Variants in PCDH15 observed in about 807,000 individuals in gnomAD.
PCDH15 encodes protocadherin related 15.
In PCDH15, 129 loss-of-function variants were observed where a neutral mutation model predicts 178.5. The ratio of observed to expected loss-of-function variants is 0.72; its 90% CI spans 0.63 to 0.84. The LOEUF (loss-of-function observed/expected upper bound fraction) is 0.84. Among genes scored for constraint, PCDH15 ranks in the 40% least tolerant of loss-of-function variants. PCDH15 has a pLI of 0.00. For missense variants in PCDH15, 2,230 were observed against 2,099.9 expected (o/e 1.06, Z -1.21); for synonymous variants, 800 against 732.0 (o/e 1.09, Z -1.50).
chr10:53,889,188 G>T (rs142520101), intron 26 of PCDH15, among the ~76,000 whole-genome samples: 2 of 151,920 alleles, frequency 1.3e-5, no homozygotes, highest in East Asian at 1.9e-4. Flanking sequence ...AAGACAAAAA[G>T]TTGCTCAACA....
intron 18 of PCDH15, among the ~76,000 whole-genome samples, chr10:54,038,327 G>A (rs1391151226): frequency 6.6e-6 from 1 of 151,816 alleles, no homozygotes; most frequent in Non-Finnish European, 1.5e-5. Flanking sequence ...GTTTGCAGGT[G>A]GGTTCTCTGG....
At chr10:54,910,479 A>T (rs185176585) in intron 2 of PCDH15, among the ~76,000 whole-genome samples, 38 of 152,324 alleles carry the variant, frequency 2.5e-4, no homozygotes, top group African/African-American at 8.2e-4. Context: ...AGAAAATAAC[A>T]AATAACATTT....
intron 25 of PCDH15, among the ~76,000 whole-genome samples, chr10:53,914,271 C>A (rs1295863498): frequency 6.6e-6 from 1 of 152,108 alleles, no homozygotes; most frequent in Non-Finnish European, 1.5e-5. Context: ...TGGATATATA[C>A]CCAAAGGATG....
chr10:54,829,754 T>A (rs533838472), intron 3 of PCDH15, among the ~76,000 whole-genome samples: 1 of 152,246 alleles, frequency 6.6e-6, no homozygotes, highest in African/African-American at 2.4e-5. Context: ...CAGTTGTAAT[T>A]TATTCCTGTT....
intron 8 of PCDH15, among the ~76,000 whole-genome samples, chr10:54,291,964 C>G (rs756718397): frequency 2.6e-5 from 4 of 152,198 alleles, no homozygotes; most frequent in Non-Finnish European, 5.9e-5. Context: ...CTCCCTAACT[C>G]ATTTTACGAG....
intron 2 of PCDH15, among the ~76,000 whole-genome samples, chr10:55,358,085 C>T (rs1353678817): frequency 1.3e-5 from 2 of 151,988 alleles, no homozygotes; most frequent in Non-Finnish European, 2.9e-5. Context: ...CTCTCAAATC[C>T]AGTACTGGGT....
chr10:53,871,568 C>T (rs183433201), intron 26 of PCDH15, among the ~76,000 whole-genome samples: 2 of 151,148 alleles, frequency 1.3e-5, no homozygotes, highest in Admixed American at 6.6e-5. Flanking sequence ...AAAGGTTTAA[C>T]ATTTTTTCAT....
intron 2 of PCDH15, among the ~76,000 whole-genome samples, chr10:54,602,543 G>A (rs1421744668): frequency 6.6e-6 from 1 of 151,944 alleles, no homozygotes; most frequent in African/African-American, 2.4e-5. Context: ...TCTTGTACAG[G>A]ATTTTAGAGG....
chr10:54,543,429 A>T (rs2085483305), intron 2 of PCDH15, among the ~76,000 whole-genome samples: 1 of 152,082 alleles, frequency 6.6e-6, no homozygotes. Context: ...GCCCATTTGC[A>T]TGCTCCCCTA....
rs114560095 is a variant in PCDH15 at position 55,127,191 on chromosome 10, T to G, written c.-80+39385A>C. 9.7e-3 allele frequency among the ~76,000 whole-genome samples: 1,480 copies of G among 152,222 alleles called. 26 individuals carry two copies. The highest frequency in any genetic ancestry group is 0.033 in the African/African-American group (1,369 of 41,570). On this transcript the variant is annotated intron_variant, in intron 2 of 5. Coordinates refer to the PCDH15 transcript ENST00000458638. Reference sequence around the variant, plus strand: ...TACTTTGTAACTTGGATGCCACCATTAAATATGCCAGAACTTCCCCTTTCT... The same window carrying G: ...TACTTTGTAACTTGGATGCCACCATGAAATATGCCAGAACTTCCCCTTTCT...
chr10:55,143,428 C>G (rs1838407958), intron 2 of PCDH15, among the ~76,000 whole-genome samples: 2 of 152,026 alleles, frequency 1.3e-5, no homozygotes, highest in African/African-American at 4.8e-5. Context: ...GAGATAGGTT[C>G]TGGTCACTGG....
chr10:54,164,777 C>T (rs1564574931), intron 13 of PCDH15, among the ~76,000 whole-genome samples: 3 of 152,106 alleles, frequency 2.0e-5, no homozygotes, highest in Non-Finnish European at 2.9e-5. Flanking sequence ...GTGGGTAACA[C>T]ATAATGAGTG....
intron 2 of PCDH15, among the ~76,000 whole-genome samples, chr10:55,164,360 C>T (rs578052809): frequency 5.3e-5 from 8 of 150,982 alleles, no homozygotes; most frequent in African/African-American, 4.9e-5. Context: ...GTTAAGACAA[C>T]TGAGAACATC....
rs568440667 is a variant in PCDH15 at position 55,501,016 on chromosome 10, ACC to A, written c.-156+126607_-156+126608del. Reference sequence around the variant, plus strand: ...CTAATCTTTAATACCTGCAGATGTGACCTTATTTGAAAACAGGATCTTTGCAG... The same window carrying A: ...CTAATCTTTAATACCTGCAGATGTGATTATTTGAAAACAGGATCTTTGCAG... On this transcript the variant is annotated intron_variant, in intron 2 of 5. Transcript: ENST00000613346. 1.8e-4 allele frequency among the ~76,000 whole-genome samples: 28 copies of A among 151,844 alleles called. No individual in the cohort carries two copies. The East Asian group carries it at 4.9e-3, about 26-fold the overall frequency.
At chr10:54,747,387 C>T (rs1945607655) in intron 1 of PCDH15, among the ~76,000 whole-genome samples, 1 of 152,164 alleles carries the variant, frequency 6.6e-6, no homozygotes, top group Non-Finnish European at 1.5e-5. Context: ...CACCCAAAGA[C>T]TTATACAATA....
rs752728496 is a variant in PCDH15 at position 53,806,010 on chromosome 10, G to A, written c.*569C>T. 5.3e-5 allele frequency: 8 copies of A among 151,906 alleles called. No homozygotes were observed. Among genetic ancestry groups the A allele is most frequent in the Non-Finnish European group, 1.2e-4 (8 of 68,574 alleles). The allele number at this position is 151,906 out of a possible 1,614,324, so 9.4% of individuals were successfully genotyped here. A position where few individuals can be genotyped will look rare whatever the true frequency, so the allele number is the denominator to read the frequency against. On this transcript the variant is annotated 3_prime_UTR_variant, in exon 38 of 38. Transcript: ENST00000644397. ...GTAAAATGTGAAAACCTTTATACAG[G>A]ACAATAAAGAAAGAAAACAAGCTCA...
At chr10:54,720,029 A>T (rs1941319000) in intron 1 of PCDH15, among the ~76,000 whole-genome samples, 1 of 152,048 alleles carries the variant, frequency 6.6e-6, no homozygotes, top group Non-Finnish European at 1.5e-5. Context: ...ATGATTATTA[A>T]CAAGTCAAGA....
chr10:53,892,126 G>A (rs997778493), intron 26 of PCDH15, among the ~76,000 whole-genome samples: 17 of 143,166 alleles, frequency 1.2e-4, no homozygotes, highest in African/African-American at 4.2e-4. Context: ...CTGGATTCAA[G>A]CAATTCTCCT....
chr10:55,216,699 C>T (rs904692069), intron 1 of PCDH15, among the ~76,000 whole-genome samples: 1 of 151,788 alleles, frequency 6.6e-6, no homozygotes, highest in South Asian at 2.1e-4. Flanking sequence ...ACATGTTGTA[C>T]TCCATAAATC....
Sources: allele counts gnomAD v4.1 joint callset (sites outside exome capture counted in the v4.1 genomes callset), GRCh38; gene constraint gnomAD v4.1.1; transcripts MANE v1.5; gene names NCBI Gene and HGNC (gene_info 2026-07-23, HGNC 2026-07-21).